Variants in ADAMTSL1 observed in about 807,000 individuals in gnomAD.
The protein encoded by ADAMTSL1 is ADAMTS-like protein 1.
ADAMTSL1 carries 126 observed loss-of-function variants against 201.8 expected under a neutral mutation model. The observed-to-expected ratio is 0.62, with a 90% CI of 0.54 to 0.72. The LOEUF is 0.72. Ranked by LOEUF, ADAMTSL1 falls within the 30% of genes least tolerant of loss-of-function variation. The pLI is 0.00. For synonymous variants in ADAMTSL1, 1,121 were observed against 903.4 expected, an observed-to-expected ratio of 1.24 and a Z score of -4.32; for missense variants, 2,679 against 2,277.8, an observed-to-expected ratio of 1.18 and a Z score of -3.59.
chr9:18,337,482 C>T (rs547586111), intron 2 of ADAMTSL1, among the ~76,000 whole-genome samples: 2 of 152,078 alleles, frequency 1.3e-5, no homozygotes, highest in Non-Finnish European at 2.9e-5. Flanking sequence ...TCTAGAGAAC[C>T]CTGACAAATA....
rs76526904 is a variant in ADAMTSL1, at chr9:18,492,824, T to G, written c.64-12005T>G. Among the ~76,000 whole-genome samples, 689 of 152,298 alleles carry G rather than the reference T, an allele frequency of 4.5e-3. 6 individuals carry two copies. The highest frequency in any genetic ancestry group is 0.016 in the African/African-American group (649 of 41,570). On this transcript the variant is annotated intron_variant, in intron 1 of 28. Coordinates refer to ENST00000380548, the MANE Select transcript of ADAMTSL1 (RefSeq NM_001040272.6). ...CTAATCTGAGGCAGAGAGAACTAAG[T>G]TGCCTAAAATACCACAGCAGCAAAG...
chr9:18,257,464 A>T (rs776587451), intron 2 of ADAMTSL1, among the ~76,000 whole-genome samples: 1 of 152,166 alleles, frequency 6.6e-6, no homozygotes, highest in Non-Finnish European at 1.5e-5. Flanking sequence ...CACAACAATG[A>T]AATATCACTT....
chr9:18,765,537 T>G (rs1186183315), intron 16 of ADAMTSL1, among the ~76,000 whole-genome samples: 1 of 152,224 alleles, frequency 6.6e-6, no homozygotes, highest in Non-Finnish European at 1.5e-5. Flanking sequence ...CCAGAACTTA[T>G]TGTAAAATGT....
chr9:18,032,493 C>A (rs1821008115), intron 1 of ADAMTSL1, among the ~76,000 whole-genome samples: 1 of 152,104 alleles, frequency 6.6e-6, no homozygotes, highest in African/African-American at 2.4e-5. Flanking sequence ...GCCAGGTAGG[C>A]AGTTTTGGGA....
chr9:18,124,043 G>A (rs1053842963), intron 1 of ADAMTSL1, among the ~76,000 whole-genome samples: 10 of 143,750 alleles, frequency 7.0e-5, no homozygotes, highest in African/African-American at 2.6e-4. Context: ...AATGATTAAT[G>A]ATGTTGAGTA....
chr9:18,533,430 T>C (rs1819562025), intron 3 of ADAMTSL1, 138 bp downstream of exon 3: 2 of 519,100 alleles, frequency 3.9e-6, no homozygotes, highest in Middle Eastern at 3.8e-4. Flanking sequence ...ACTGATTATA[T>C]GCAGGACTAA....
chr9:18,144,907 A>G (rs1826564988), intron 1 of ADAMTSL1, among the ~76,000 whole-genome samples: 1 of 152,202 alleles, frequency 6.6e-6, no homozygotes, highest in South Asian at 2.1e-4. Context: ...CTGTCTCAGC[A>G]TGATAAAGAT....
intron 19 of ADAMTSL1, among the ~76,000 whole-genome samples, chr9:18,794,352 T>A (rs189075676): frequency 5.3e-4 from 80 of 151,022 alleles, no homozygotes; most frequent in Admixed American, 5.3e-3. Context: ...AAGACTGCAG[T>A]GAGCTGTGTT....
chr9:18,358,136 A>G (rs1347718719), intron 2 of ADAMTSL1, among the ~76,000 whole-genome samples: 1 of 152,220 alleles, frequency 6.6e-6, no homozygotes, highest in Non-Finnish European at 1.5e-5. Context: ...CTGCACATTT[A>G]GAATACCAGT....
chr9:18,544,514 G>GT (rs895358889), intron 3 of ADAMTSL1, among the ~76,000 whole-genome samples: 107 of 149,724 alleles, frequency 7.1e-4, no homozygotes, highest in African/African-American at 2.0e-3. Flanking sequence ...ATTGATCACA[G>GT]TTTTTTTTTT....
intron 2 of ADAMTSL1, among the ~76,000 whole-genome samples, chr9:18,174,862 C>T (rs1198936509): frequency 3.9e-5 from 6 of 151,950 alleles, no homozygotes; most frequent in Non-Finnish European, 8.8e-5. Context: ...AAAATGGTAG[C>T]GTTATTACCC....
At chr9:18,808,026 A>AT (rs1344067887) in intron 20 of ADAMTSL1, among the ~76,000 whole-genome samples, 2 of 152,008 alleles carry the variant, frequency 1.3e-5, no homozygotes, top group African/African-American at 4.8e-5. Context: ...GCTTATGTTG[A>AT]TTTTTTTTAA....
chr9:18,469,895 A>G (rs1360901275), upstream of ADAMTSL1, among the ~76,000 whole-genome samples: 1 of 152,226 alleles, frequency 6.6e-6, no homozygotes, highest in East Asian at 1.9e-4. Flanking sequence ...TTGTTTCTGG[A>G]CTTCAGGCAC....
chr9:18,474,152 C>A, upstream of ADAMTSL1: 2 of 1,310,800 alleles, frequency 1.5e-6, no homozygotes, highest in Non-Finnish European at 2.2e-6. Flanking sequence ...GTGTTAGCAC[C>A]AGTACTGGAT....
At chr9:18,239,549 G>T (rs954175460) in intron 2 of ADAMTSL1, among the ~76,000 whole-genome samples, 6 of 152,068 alleles carry the variant, frequency 3.9e-5, no homozygotes, top group African/African-American at 1.4e-4. Context: ...GACCAGCCTG[G>T]CCAACATAGT....
intron 2 of ADAMTSL1, among the ~76,000 whole-genome samples, chr9:18,522,775 C>T (rs1228512585): frequency 6.6e-6 from 1 of 152,012 alleles, no homozygotes; most frequent in Non-Finnish European, 1.5e-5. Flanking sequence ...ATGAACTCAT[C>T]CTTTTTATGG....
At chr9:17,990,622 C>T (rs1230779771) in intron 1 of ADAMTSL1, among the ~76,000 whole-genome samples, 1 of 151,984 alleles carries the variant, frequency 6.6e-6, no homozygotes, top group Non-Finnish European at 1.5e-5. Context: ...TCCTGGTTGT[C>T]ACGTTTAATT....
intron 2 of ADAMTSL1, among the ~76,000 whole-genome samples, chr9:18,393,044 C>G (rs77031244): frequency 0.022 from 3,402 of 152,242 alleles, 124 homozygotes; most frequent in African/African-American, 0.076. Flanking sequence ...ATAATTTTCT[C>G]TTAGAGTGCT....
intron 2 of ADAMTSL1, among the ~76,000 whole-genome samples, chr9:18,178,604 C>T (rs1475994189): frequency 6.6e-6 from 1 of 151,566 alleles, no homozygotes; most frequent in Non-Finnish European, 1.5e-5. Context: ...ACAGCAGTAA[C>T]CTCTGCAGAC....
Sources: gnomAD v4.1 joint callset for allele counts (sites outside exome capture counted in the v4.1 genomes callset) on GRCh38, gnomAD v4.1.1 for gene constraint, MANE v1.5 for transcripts, NCBI Gene and HGNC (gene_info 2026-07-23, HGNC 2026-07-21) for gene names.